KHDRBS2: variants seen among roughly 807,000 people sequenced by gnomAD.
The protein encoded by KHDRBS2 is KH RNA binding domain containing, signal transduction associated 2, also known as KH domain-containing, RNA-binding, signal transduction-associated protein 2.
A neutral mutation model predicts 44.3 loss-of-function variants in KHDRBS2; 26 were observed. The ratio of observed to expected loss-of-function variants is 0.59; its 90% CI spans 0.43 to 0.81. KHDRBS2 has a LOEUF of 0.81. Among genes scored for constraint, KHDRBS2 ranks in the 40% least tolerant of loss-of-function variants. The probability of loss-of-function intolerance (pLI) is 0.00; values close to 1 mark genes in which losing one functional copy is unlikely to be tolerated. For synonymous variants in KHDRBS2, 194 were observed against 151.1 expected, an observed-to-expected ratio of 1.28 and a Z score of -2.08; for missense variants, 476 against 433.1, an observed-to-expected ratio of 1.10 and a Z score of -0.88.
intron 4 of KHDRBS2, among the ~76,000 whole-genome samples, chr6:61,930,565 A>AAAAAAAAAAAAAAAC (rs1809850494): frequency 2.3e-5 from 3 of 129,330 alleles, no homozygotes; most frequent in Admixed American, 8.8e-5. Flanking sequence ...AAAAAAAAAA[A>AAAAAAAAAAAAAAAC]AAGGCTAGTC....
intron 1 of KHDRBS2, among the ~76,000 whole-genome samples, chr6:62,259,170 G>A (rs1837927910): frequency 6.6e-6 from 1 of 151,998 alleles, no homozygotes; most frequent in South Asian, 2.1e-4. Flanking sequence ...TAAATGAAAT[G>A]TATGGCCATT....
At chr6:61,847,444 T>C (rs1164002442) in intron 6 of KHDRBS2, among the ~76,000 whole-genome samples, 1 of 152,124 alleles carries the variant, frequency 6.6e-6, no homozygotes, top group Non-Finnish European at 1.5e-5. Context: ...CATAAAGATA[T>C]GAGAAGTTTG....
intron 6 of KHDRBS2, among the ~76,000 whole-genome samples, chr6:61,811,455 G>A (rs1376059136): frequency 6.6e-6 from 1 of 152,038 alleles, no homozygotes. Context: ...ATTTTCCTTT[G>A]GGTATATATC....
At chr6:62,083,098 G>A (rs1434023536) in intron 2 of KHDRBS2, among the ~76,000 whole-genome samples, 1 of 152,072 alleles carries the variant, frequency 6.6e-6, no homozygotes, top group East Asian at 1.9e-4. Flanking sequence ...CCACCCAAAT[G>A]TTGCCTTTTC....
At chr6:61,651,262 C>T in the KHDRBS2 span, among the ~76,000 whole-genome samples, 8 of 151,882 alleles carry the variant, frequency 5.3e-5, no homozygotes, top group African/African-American at 1.9e-4. Context: ...TTTTGGATTT[C>T]AATTTTTTTT....
chr6:61,879,164 CA>C lies in KHDRBS2; in HGVS notation c.810+15470del, dbSNP rs1007893674. Among the ~76,000 whole-genome samples, 39 of 152,120 alleles carry C rather than the reference CA, an allele frequency of 2.6e-4. 1 individual carries two copies. Among genetic ancestry groups the C allele is most frequent in the African/African-American group, 9.4e-4 (39 of 41,546 alleles). ...AGCAGTATATACCTACTTAGTTCTT[CA>C]GGCTTCCTGAGTAGAAGCAAGGCTA... On this transcript the variant is annotated intron_variant, in intron 6 of 8. Transcript: ENST00000281156.
intron 6 of KHDRBS2, among the ~76,000 whole-genome samples, chr6:61,758,250 C>A (rs1171532397): frequency 6.6e-6 from 1 of 151,972 alleles, no homozygotes; most frequent in Non-Finnish European, 1.5e-5. Context: ...ATCAGATGTC[C>A]AATATCATGA....
intron 6 of KHDRBS2, among the ~76,000 whole-genome samples, chr6:61,818,935 T>A (rs953738338): frequency 6.6e-6 from 1 of 152,022 alleles, no homozygotes; most frequent in South Asian, 2.1e-4. Context: ...TACATTCTTA[T>A]GTATGTTACT....
chr6:61,601,332 C>A, the KHDRBS2 span, among the ~76,000 whole-genome samples: 1 of 152,028 alleles, frequency 6.6e-6, no homozygotes, highest in Non-Finnish European at 1.5e-5. Context: ...CAAACTTCCA[C>A]CCTCCATTCC....
At chr6:61,877,618 A>G (rs888238471) in intron 6 of KHDRBS2, among the ~76,000 whole-genome samples, 3 of 151,856 alleles carry the variant, frequency 2.0e-5, no homozygotes, top group Non-Finnish European at 4.4e-5. Flanking sequence ...AAAGATACAA[A>G]CTACTTTTAA....
At chr6:61,816,391 A>T (rs1176171895) in intron 6 of KHDRBS2, among the ~76,000 whole-genome samples, 1 of 152,216 alleles carries the variant, frequency 6.6e-6, no homozygotes, top group East Asian at 1.9e-4. Flanking sequence ...GTGTGAAGAC[A>T]GAGACATACA....
chr6:61,574,186 C>G, the KHDRBS2 span: 2 of 644,200 alleles, frequency 3.1e-6, no homozygotes, highest in Non-Finnish European at 5.5e-6. Flanking sequence ...AATCTTACCC[C>G]GCCTGTTTAC....
At chr6:61,554,172 C>A in the KHDRBS2 span, among the ~76,000 whole-genome samples, 3 of 152,168 alleles carry the variant, frequency 2.0e-5, no homozygotes, top group Non-Finnish European at 4.4e-5. Flanking sequence ...CTTTATGAAT[C>A]TGGGTGCTCC....
At chr6:62,094,934 G>T (rs1800251633) in intron 2 of KHDRBS2, among the ~76,000 whole-genome samples, 1 of 151,704 alleles carries the variant, frequency 6.6e-6, no homozygotes, top group Admixed American at 6.6e-5. Context: ...CTGTTTTTAT[G>T]CCAGTACCTG....
At chr6:61,972,018 T>C (rs1322700949) in intron 4 of KHDRBS2, among the ~76,000 whole-genome samples, 2 of 152,186 alleles carry the variant, frequency 1.3e-5, no homozygotes, top group African/African-American at 2.4e-5. Context: ...TATTCACCTA[T>C]TTCCAATTCT....
At chr6:61,696,449 G>A (rs1242315938) in intron 8 of KHDRBS2, among the ~76,000 whole-genome samples, 4 of 151,634 alleles carry the variant, frequency 2.6e-5, no homozygotes, top group South Asian at 4.2e-4. Context: ...GGTAGAGACG[G>A]GGTTTCACCA....
intron 3 of KHDRBS2, among the ~76,000 whole-genome samples, chr6:62,016,061 AG>A (rs1482634640): frequency 2.6e-5 from 4 of 152,202 alleles, no homozygotes; most frequent in Non-Finnish European, 1.5e-5. Flanking sequence ...CCAGAAAAAA[AG>A]AACACAAATT....
At chr6:61,910,841 C>T (rs541343670) in intron 4 of KHDRBS2, among the ~76,000 whole-genome samples, 2 of 152,214 alleles carry the variant, frequency 1.3e-5, no homozygotes, top group East Asian at 3.9e-4. Flanking sequence ...TAACAAGTTC[C>T]ATTTGTCTAG....
At position 61,767,180 on chromosome 6, in the gene KHDRBS2, G is replaced by A. The variant is rs569192617; in HGVS notation, c.811-34416C>T. Among the ~76,000 whole-genome samples the A allele has an allele frequency of 9.2e-5, 14 of 152,000 alleles. No homozygotes were observed. The South Asian group carries it at 2.9e-3, about 32-fold the overall frequency. On this transcript the variant is annotated intron_variant, in intron 6 of 8. Transcript: ENST00000281156. ...TTTATAATTGTTATATACTATTGATGAGTTGACCACTTTATCATTACATAA... is the reference window on the plus strand; with the variant it reads ...TTTATAATTGTTATATACTATTGATAAGTTGACCACTTTATCATTACATAA...
Sources: gnomAD v4.1 joint callset for allele counts (sites outside exome capture counted in the v4.1 genomes callset) on GRCh38, gnomAD v4.1.1 for gene constraint, MANE v1.5 for transcripts, NCBI Gene and HGNC (gene_info 2026-07-23, HGNC 2026-07-21) for gene names.